The following DENND1A variants were observed in gnomAD, a reference collection of about 807,000 sequenced individuals.
DENND1A encodes DENN domain containing 1A.
DENND1A carries 51 observed loss-of-function variants against 113.7 expected under a neutral mutation model. That is an observed-to-expected ratio of 0.45 (90% CI 0.36 to 0.57). The LOEUF is 0.57. Among genes scored for constraint, DENND1A ranks in the 20% least tolerant of loss-of-function variants. DENND1A has a pLI of 0.00. For synonymous variants in DENND1A, 565 were observed against 570.8 expected, an observed-to-expected ratio of 0.99 and a Z score of 0.14; for missense variants, 1,258 against 1,395.9, an observed-to-expected ratio of 0.90 and a Z score of 1.57.
At chr9:123,897,468 G>A (rs1354495639) in intron 1 of DENND1A, among the ~76,000 whole-genome samples, 2 of 152,188 alleles carry the variant, frequency 1.3e-5, no homozygotes, top group African/African-American at 4.8e-5. Context: ...AGAGGATAGG[G>A]CAAACCCCTA....
At chr9:123,398,619 C>T (rs1450231014) in intron 21 of DENND1A, among the ~76,000 whole-genome samples, 2 of 151,892 alleles carry the variant, frequency 1.3e-5, no homozygotes, top group Non-Finnish European at 2.9e-5. Flanking sequence ...CCTCGTGATC[C>T]GCCCGCCTCG....
chr9:123,392,330 T>C (rs768744921), intron 21 of DENND1A, among the ~76,000 whole-genome samples: 19 of 152,344 alleles, frequency 1.2e-4, no homozygotes, highest in Middle Eastern at 3.4e-3. Context: ...TCAAATTTAA[T>C]TGACATTTAA....
chr9:123,413,803 A>T, intron 19 of DENND1A: 2 of 985,302 alleles, frequency 2.0e-6, no homozygotes, highest in Non-Finnish European at 2.4e-6. Flanking sequence ...GGCTTACAGG[A>T]AGTGTGTGGG....
chr9:123,603,577 C>G (rs986523687), intron 11 of DENND1A, among the ~76,000 whole-genome samples: 6 of 152,168 alleles, frequency 3.9e-5, no homozygotes, highest in South Asian at 2.1e-4. Context: ...CCCCATGCAC[C>G]CATCACACGC....
At chr9:123,567,354 G>A (rs1264180986) in intron 12 of DENND1A, among the ~76,000 whole-genome samples, 1 of 152,154 alleles carries the variant, frequency 6.6e-6, no homozygotes, top group African/African-American at 2.4e-5. Flanking sequence ...AAATTAAAGT[G>A]TAAGTTACCT....
At chr9:123,560,117 C>T (rs138437563) in intron 12 of DENND1A, among the ~76,000 whole-genome samples, 1 of 152,296 alleles carries the variant, frequency 6.6e-6, no homozygotes, top group East Asian at 1.9e-4. Context: ...GCTGTTTCTA[C>T]TTCTTGGCTG....
intron 10 of DENND1A, among the ~76,000 whole-genome samples, chr9:123,626,856 T>C (rs1468782039): frequency 2.6e-5 from 4 of 151,788 alleles, no homozygotes; most frequent in African/African-American, 9.7e-5. Flanking sequence ...TCTAGATGGG[T>C]CCCAGAGAAC....
intron 1 of DENND1A, among the ~76,000 whole-genome samples, chr9:123,927,419 T>G (rs139362620): frequency 5.5e-4 from 84 of 152,268 alleles, no homozygotes; most frequent in African/African-American, 1.7e-3. Context: ...CTCTGACATT[T>G]CTAATATACA....
chr9:123,748,292 G>A (rs1165138512), intron 5 of DENND1A, among the ~76,000 whole-genome samples: 1 of 152,176 alleles, frequency 6.6e-6, no homozygotes, highest in South Asian at 2.1e-4. Context: ...ATGGTGGGAT[G>A]AGAGATTTCT....
Position 123,928,015 on chromosome 9 carries a change from C to A in DENND1A, c.17+1874G>T, listed in dbSNP as rs562906996. Among the ~76,000 whole-genome samples, 6 of 152,372 alleles carry A rather than the reference C, an allele frequency of 3.9e-5. No homozygotes were observed. The South Asian group carries it at 1.2e-3, about 32-fold the overall frequency. On this transcript the variant is annotated intron_variant, in intron 1 of 23. Coordinates refer to ENST00000394215, the MANE Select transcript of DENND1A (RefSeq NM_001352964.2). ...TATTCTCTTTCGGTTTCACCACAAGCTAACATATTTCCCAAGCCTAAGTTT... is the reference window on the plus strand; with the variant it reads ...TATTCTCTTTCGGTTTCACCACAAGATAACATATTTCCCAAGCCTAAGTTT...
At chr9:123,425,945 T>C (rs990035839) in intron 19 of DENND1A, among the ~76,000 whole-genome samples, 5 of 152,212 alleles carry the variant, frequency 3.3e-5, no homozygotes, top group African/African-American at 1.2e-4. Context: ...CCAGTGCAGA[T>C]GCCCATGAAG....
intron 13 of DENND1A, among the ~76,000 whole-genome samples, chr9:123,474,617 G>A (rs1466019253): frequency 6.6e-6 from 1 of 152,206 alleles, no homozygotes; most frequent in Non-Finnish European, 1.5e-5. Context: ...TCTGGTGTTG[G>A]AGGATCAGGC....
chr9:123,602,309 A>G lies in DENND1A; in HGVS notation c.765+7127T>C, dbSNP rs568848021. On this transcript the variant is annotated intron_variant, in intron 11 of 23. Coordinates refer to ENST00000394215, the MANE Select transcript of DENND1A (RefSeq NM_001352964.2). The stretch of plus-strand genomic sequence containing the variant: ...AACAACTATTATACAACAATTATAC[A>G]AATATTATACAAAAATAGCCAATAC... 7.9e-5 allele frequency among the ~76,000 whole-genome samples: 12 copies of G among 152,376 alleles called. No individual in the cohort carries two copies. The South Asian group carries it at 2.5e-3, about 32-fold the overall frequency.
intron 6 of DENND1A, among the ~76,000 whole-genome samples, chr9:123,674,749 A>G (rs1354608708): frequency 6.6e-6 from 1 of 152,046 alleles, no homozygotes; most frequent in African/African-American, 2.4e-5. Flanking sequence ...AATCTCCCAT[A>G]TGTGTAGGTT....
At chr9:123,728,506 A>AAAAAAAAAAAAAAAAAAAAAAAAAAC (rs1564150268) in intron 5 of DENND1A, among the ~76,000 whole-genome samples, 1 of 145,902 alleles carries the variant, frequency 6.9e-6, no homozygotes. Context: ...AAAAAAAAAA[A>AAAAAAAAAAAAAAAAAAAAAAAAAAC]AAAACAGGCA....
intron 5 of DENND1A, among the ~76,000 whole-genome samples, chr9:123,693,983 G>A (rs752551124): frequency 2.9e-4 from 44 of 151,034 alleles, no homozygotes; most frequent in Non-Finnish European, 5.8e-4. Context: ...GTGTGCCACC[G>A]CACCCGGCTA....
At chr9:123,876,317 G>A (rs1847456350) in intron 2 of DENND1A, among the ~76,000 whole-genome samples, 1 of 152,160 alleles carries the variant, frequency 6.6e-6, no homozygotes, top group Non-Finnish European at 1.5e-5. Flanking sequence ...TGGATTCTGG[G>A]TCATAGGGAA....
At chr9:123,921,895 A>G (rs1482042715) in intron 1 of DENND1A, among the ~76,000 whole-genome samples, 5 of 151,442 alleles carry the variant, frequency 3.3e-5, no homozygotes, top group Non-Finnish European at 7.4e-5. Context: ...TTCTACTTAA[A>G]ATCTCTCAAA....
intron 2 of DENND1A, among the ~76,000 whole-genome samples, chr9:123,813,825 G>A (rs1310075487): frequency 1.3e-5 from 2 of 152,058 alleles, no homozygotes; most frequent in East Asian, 3.8e-4. Flanking sequence ...TTTTTACCTA[G>A]CCCTCAAAAT....
Sources: allele counts gnomAD v4.1 joint callset (sites outside exome capture counted in the v4.1 genomes callset), GRCh38; gene constraint gnomAD v4.1.1; transcripts MANE v1.5; gene names NCBI Gene and HGNC (gene_info 2026-07-23, HGNC 2026-07-21).